MTUS2: variants seen among roughly 807,000 people sequenced by gnomAD.
MTUS2 encodes the protein microtubule-associated tumor suppressor candidate 2.
A neutral mutation model predicts 114.1 loss-of-function variants in MTUS2; 40 were observed. That is an observed-to-expected ratio of 0.35 (90% CI 0.27 to 0.46). MTUS2 has a LOEUF of 0.46. Among genes scored for constraint, MTUS2 ranks in the 20% least tolerant of loss-of-function variants. The pLI, the probability that MTUS2 is intolerant of heterozygous loss-of-function variation, is 1.00. For synonymous variants in MTUS2, 688 were observed against 672.0 expected, an observed-to-expected ratio of 1.02 and a Z score of -0.37; for missense variants, 1,679 against 1,705.4, an observed-to-expected ratio of 0.98 and a Z score of 0.27.
intron 2 of MTUS2, among the ~76,000 whole-genome samples, chr13:29,011,891 A>G (rs144172973): frequency 6.6e-6 from 1 of 152,284 alleles, no homozygotes; most frequent in Non-Finnish European, 1.5e-5. Flanking sequence ...GATCTAGTTC[A>G]TTTGACAGAA....
intron 6 of MTUS2, among the ~76,000 whole-genome samples, chr13:29,320,011 G>A (rs777475402): frequency 8.5e-5 from 13 of 152,192 alleles, no homozygotes; most frequent in Non-Finnish European, 1.8e-4. Context: ...ACTGGCCCCT[G>A]AATATGTCCA....
At chr13:28,910,066 C>G (rs979530188) in intron 2 of MTUS2, among the ~76,000 whole-genome samples, 9 of 152,070 alleles carry the variant, frequency 5.9e-5, no homozygotes, top group Admixed American at 6.6e-5. Flanking sequence ...TTTAAATGTG[C>G]AATTAAACTA....
chr13:29,265,160 C>G (rs945016557), intron 5 of MTUS2, among the ~76,000 whole-genome samples: 2 of 152,214 alleles, frequency 1.3e-5, no homozygotes, highest in African/African-American at 4.8e-5. Context: ...ATTTCTTCCA[C>G]CAAATTCTAT....
At chr13:29,204,901 G>A (rs1362256492) in intron 5 of MTUS2, among the ~76,000 whole-genome samples, 2 of 152,168 alleles carry the variant, frequency 1.3e-5, no homozygotes, top group African/African-American at 2.4e-5. Context: ...GCCAAATCGG[G>A]GACATCATGG....
chr13:29,077,558 C>T (rs1345994131), intron 4 of MTUS2, among the ~76,000 whole-genome samples: 2 of 152,124 alleles, frequency 1.3e-5, no homozygotes, highest in East Asian at 3.9e-4. Flanking sequence ...CTTCCCATAG[C>T]ACTTACTCTC....
intron 2 of MTUS2, among the ~76,000 whole-genome samples, chr13:28,840,089 G>A (rs937224731): frequency 4.0e-5 from 6 of 151,032 alleles, no homozygotes; most frequent in Admixed American, 1.3e-4. Context: ...TTCAAGTAAC[G>A]TGTTAGTGAT....
chr13:29,223,110 G>A (rs959972104), intron 5 of MTUS2, among the ~76,000 whole-genome samples: 6 of 152,146 alleles, frequency 3.9e-5, no homozygotes, highest in Non-Finnish European at 8.8e-5. Context: ...GAAAGGGGTG[G>A]GTCCCTAGTG....
intron 6 of MTUS2, among the ~76,000 whole-genome samples, chr13:29,305,191 T>C (rs1261027437): frequency 2.0e-5 from 3 of 152,096 alleles, no homozygotes; most frequent in Non-Finnish European, 4.4e-5. Flanking sequence ...GCTAGAAAGA[T>C]TGTAAGTTAA....
rs145612748 is a variant in MTUS2 at position 29,134,001 on chromosome 13, T to C, written c.2644+33031T>C. Among the ~76,000 whole-genome samples, 419 of 152,328 alleles carry C rather than the reference T, an allele frequency of 2.8e-3. 2 individuals carry two copies. The highest frequency in any genetic ancestry group is 9.6e-3 in the African/African-American group (399 of 41,584). ...TAGGTTGTTGATTTAAGATCTTTCA[T>C]GTTTTTTATTGTAAGCACATATGGC... On this transcript the variant is annotated intron_variant, in intron 5 of 15. Coordinates refer to ENST00000612955, the MANE Select transcript of MTUS2 (RefSeq NM_001033602.4).
rs562317367 is a variant in MTUS2 at position 29,448,657 on chromosome 13, CTTCT to C, written c.3184+8609_3184+8612del. Among the ~76,000 whole-genome samples, 139 of 151,788 alleles carry C rather than the reference CTTCT, an allele frequency of 9.2e-4. 1 individual carries two copies. The highest frequency in any genetic ancestry group is 3.2e-3 in the African/African-American group (131 of 41,404). ...AGCCAGGCCACTGGTTTTCATCTTC[CTTCT>C]GAGTTCAGATTTAAGATGGACTTTA... On this transcript the variant is annotated intron_variant, in intron 9 of 15. Coordinates refer to ENST00000612955, the MANE Select transcript of MTUS2 (RefSeq NM_001033602.4).
At chr13:29,187,165 T>A (rs1894260205) in intron 5 of MTUS2, among the ~76,000 whole-genome samples, 1 of 150,462 alleles carries the variant, frequency 6.6e-6, no homozygotes, top group Non-Finnish European at 1.5e-5. Context: ...AAAAAAGATT[T>A]CAAATCAATG....
chr13:29,351,767 T>A (rs1244208006), intron 7 of MTUS2, among the ~76,000 whole-genome samples: 3 of 121,396 alleles, frequency 2.5e-5, no homozygotes, highest in Non-Finnish European at 5.3e-5. Context: ...CATACCTGGC[T>A]AATTTTGTTT....
intron 9 of MTUS2, 35 bp downstream of exon 9, chr13:29,440,084 A>G (rs1483774949): frequency 1.3e-6 from 2 of 1,551,864 alleles, no homozygotes; most frequent in Non-Finnish European, 1.7e-6. Flanking sequence ...AGCATAAAGA[A>G]TGTCTTTTCC....
chr13:29,167,728 A>G (rs1016775777), intron 5 of MTUS2, among the ~76,000 whole-genome samples: 6 of 152,134 alleles, frequency 3.9e-5, no homozygotes, highest in Non-Finnish European at 8.8e-5. Flanking sequence ...TTGAGCATCA[A>G]CATGATGCTC....
intron 9 of MTUS2, among the ~76,000 whole-genome samples, chr13:29,455,246 G>T (rs1485117688): frequency 1.3e-5 from 2 of 152,196 alleles, no homozygotes; most frequent in African/African-American, 4.8e-5. Flanking sequence ...GGTTTCCCGT[G>T]TGATCTTAGC....
chr13:29,495,132 C>G (rs1453930303), intron 12 of MTUS2, among the ~76,000 whole-genome samples: 1 of 139,956 alleles, frequency 7.1e-6, no homozygotes, highest in Non-Finnish European at 1.5e-5. Context: ...AGCAGTGAGC[C>G]GTGATCGCGC....
chr13:29,400,184 A>G (rs1232070660), intron 8 of MTUS2, among the ~76,000 whole-genome samples: 2 of 152,144 alleles, frequency 1.3e-5, no homozygotes, highest in Non-Finnish European at 2.9e-5. Flanking sequence ...CCACCCACAC[A>G]CTCTCCTTAA....
chr13:29,069,756 G>T (rs190809202), intron 4 of MTUS2, among the ~76,000 whole-genome samples: 1 of 152,170 alleles, frequency 6.6e-6, no homozygotes, highest in South Asian at 2.1e-4. Flanking sequence ...TAGCTGAAGC[G>T]TATGGCCCTT....
chr13:29,160,769 CAAA>C (rs71090227), intron 5 of MTUS2, among the ~76,000 whole-genome samples: 6 of 119,056 alleles, frequency 5.0e-5, no homozygotes, highest in Non-Finnish European at 5.7e-5. Context: ...GACTCCGTCT[CAAA>C]AAAAAAAAAA....
Sources: gnomAD v4.1 joint callset for allele counts (sites outside exome capture counted in the v4.1 genomes callset) on GRCh38, gnomAD v4.1.1 for gene constraint, MANE v1.5 for transcripts, NCBI Gene and HGNC (gene_info 2026-07-23, HGNC 2026-07-21) for gene names.